The following MYRIP variants were observed in gnomAD, a reference collection of about 807,000 sequenced individuals.
MYRIP encodes myosin VIIA and Rab interacting protein, also known as rab effector MyRIP.
Under a neutral mutation model 98.0 loss-of-function variants are expected in MYRIP, and 49 were observed. That is an observed-to-expected ratio of 0.50 (90% CI 0.40 to 0.63). The LOEUF (loss-of-function observed/expected upper bound fraction) is 0.63. Ranked by LOEUF, MYRIP falls within the 30% of genes least tolerant of loss-of-function variation. MYRIP has a pLI of 0.00. For missense variants in MYRIP, 1,004 were observed against 1,058.2 expected, an observed-to-expected ratio of 0.95 and a Z score of 0.71; for synonymous variants, 404 against 409.5, an observed-to-expected ratio of 0.99 and a Z score of 0.16.
intron 8 of MYRIP, chr3:40,174,419 C>A (rs1001482570): frequency 6.6e-6 from 1 of 152,232 alleles, no homozygotes; most frequent in South Asian, 2.1e-4. Context: ...TCTTCCCCCC[C>A]ATTCATACTT....
Position 40,089,543 on chromosome 3 carries a change from T to C in MYRIP, c.332+45272T>C, listed in dbSNP as rs544814634. On this transcript the variant is annotated intron_variant, in intron 3 of 16. Coordinates refer to ENST00000302541, the MANE Select transcript of MYRIP (RefSeq NM_015460.4). Reference sequence around the variant, plus strand: ...ATAGCAGTGGAACTGGAGTCCTAGATAGGCTGTGCCTAAATGCTAGAAGTG... The same window carrying C: ...ATAGCAGTGGAACTGGAGTCCTAGACAGGCTGTGCCTAAATGCTAGAAGTG... Among the ~76,000 whole-genome samples, 3 of 152,330 alleles carry C rather than the reference T, an allele frequency of 2.0e-5. No individual in the cohort carries two copies. In the South Asian group the frequency reaches 6.2e-4, roughly 32 times the overall value.
At chr3:39,884,277 T>C (rs977840311) in intron 1 of MYRIP, among the ~76,000 whole-genome samples, 1 of 152,106 alleles carries the variant, frequency 6.6e-6, no homozygotes, top group Non-Finnish European at 1.5e-5. Flanking sequence ...TGGCATGGAC[T>C]TGTCCCTCCC....
In MYRIP at chr3:39,877,862, G is replaced by C. The variant is rs1360723337; in HGVS notation, c.-30-22925G>C. Among the ~76,000 whole-genome samples, 3 of 152,320 alleles carry C rather than the reference G, an allele frequency of 2.0e-5. No individual in the cohort carries two copies. The East Asian group carries it at 5.8e-4, about 29-fold the overall frequency. ...CCAGCTGCGTGCTGGGAGAACCACT[G>C]CTCTCTTCAAAGCTGTCAGACAGGG... On this transcript the variant is annotated intron_variant, in intron 1 of 16. Transcript: ENST00000302541.
At chr3:39,954,949 T>C (rs1304505605) in intron 2 of MYRIP, among the ~76,000 whole-genome samples, 1 of 151,016 alleles carries the variant, frequency 6.6e-6, no homozygotes, top group Admixed American at 6.6e-5. Context: ...ATTAATAAAG[T>C]GAAGCAAGAA....
intron 1 of MYRIP, among the ~76,000 whole-genome samples, chr3:39,833,046 C>T (rs1559489980): frequency 6.6e-6 from 1 of 152,098 alleles, no homozygotes; most frequent in Non-Finnish European, 1.5e-5. Context: ...GATAATACAG[C>T]TATTAGGAGT....
chr3:40,032,808 CA>C (rs977187126), intron 2 of MYRIP, among the ~76,000 whole-genome samples: 1 of 152,064 alleles, frequency 6.6e-6, no homozygotes, highest in African/African-American at 2.4e-5. Context: ...AAAATTGATG[CA>C]AAAATCCTCA....
chr3:40,194,384 T>C (rs935464995), intron 10 of MYRIP, among the ~76,000 whole-genome samples: 1 of 152,090 alleles, frequency 6.6e-6, no homozygotes, highest in Non-Finnish European at 1.5e-5. Context: ...GTTTTATTTC[T>C]TTACTTTCTA....
intron 2 of MYRIP, among the ~76,000 whole-genome samples, chr3:40,024,630 G>C (rs1317887779): frequency 6.6e-6 from 1 of 151,708 alleles, no homozygotes; most frequent in Non-Finnish European, 1.5e-5. Context: ...GCACTGGTAT[G>C]CTGTGGTATA....
At chr3:40,107,536 A>AAG (rs2125898282) in intron 3 of MYRIP, among the ~76,000 whole-genome samples, 1 of 152,292 alleles carries the variant, frequency 6.6e-6, no homozygotes, top group South Asian at 2.1e-4. Flanking sequence ...AGAGCTCATC[A>AAG]CTGGGCTGAA....
At chr3:40,085,248 T>C (rs1319042306) in intron 3 of MYRIP, among the ~76,000 whole-genome samples, 1 of 151,712 alleles carries the variant, frequency 6.6e-6, no homozygotes, top group East Asian at 1.9e-4. Context: ...AATATGTGTC[T>C]ATGTATTATA....
Position 39,995,080 on chromosome 3 carries a change from G to A in MYRIP, c.111-48970G>A, listed in dbSNP as rs557312095. Among the ~76,000 whole-genome samples the A allele has an allele frequency of 2.0e-5, 3 of 148,748 alleles. No homozygotes were observed. In the South Asian group the frequency reaches 6.3e-4, roughly 31 times the overall value. On this transcript the variant is annotated intron_variant, in intron 2 of 16. Coordinates refer to ENST00000302541, the MANE Select transcript of MYRIP (RefSeq NM_015460.4). ...GACCAAAGGTAGATAAAACCACAAA[G>A]ATGGGGGAAAAAAACAGCAGAAAAA... is the stretch of plus-strand genomic sequence containing the variant.
intron 3 of MYRIP, among the ~76,000 whole-genome samples, chr3:40,116,406 A>G (rs2125906505): frequency 8.8e-6 from 1 of 113,714 alleles, no homozygotes; most frequent in African/African-American, 2.9e-5. Flanking sequence ...AGAAACTTCT[A>G]GATGGAAAAC....
intron 9 of MYRIP, among the ~76,000 whole-genome samples, chr3:40,183,222 G>C (rs1274123748): frequency 6.6e-6 from 1 of 152,200 alleles, no homozygotes. Context: ...ATGGCATCCT[G>C]GCTGGGCAGA....
chr3:40,243,725 G>A (rs1237945373), intron 12 of MYRIP, among the ~76,000 whole-genome samples: 1 of 152,090 alleles, frequency 6.6e-6, no homozygotes, highest in African/African-American at 2.4e-5. Context: ...ATTATTTCAA[G>A]GATTTCACCT....
In MYRIP at chr3:40,166,882, G is replaced by C. The variant is rs185300013; in HGVS notation, c.587G>C (p.Arg196Pro). Residue 196 changes from arginine (R) to proline (P), a missense_variant, in exon 6 of 17, where the codon CGG becomes CCG. Around this residue, in one of 3 missense-constraint regions of MYRIP, gnomAD observed 880 missense variants for 907.7 expected, o/e 0.97. Coordinates refer to ENST00000302541, the MANE Select transcript of MYRIP (RefSeq NM_015460.4). Reference sequence around the variant, plus strand: ...ATGGACACCTTGGCTGTGGCCCTACGGGTGGCTGAAGAGGCCATTGAGGAA... The same window carrying C: ...ATGGACACCTTGGCTGTGGCCCTACCGGTGGCTGAAGAGGCCATTGAGGAA... The part of the protein sequence containing the change: ...SVMDTLAVAL[R>P]VAEEAIEEAI... 6.2e-7 allele frequency: 1 copy of C among 1,614,024 alleles called. No homozygotes were observed. Among genetic ancestry groups the C allele is most frequent in the Non-Finnish European group, 8.5e-7 (1 of 1,179,948 alleles).
At chr3:40,026,303 A>G (rs1415895263) in intron 2 of MYRIP, among the ~76,000 whole-genome samples, 1 of 152,124 alleles carries the variant, frequency 6.6e-6, no homozygotes, top group African/African-American at 2.4e-5. Context: ...GTCAGACCGT[A>G]TGGTTGTCTC....
intron 3 of MYRIP, among the ~76,000 whole-genome samples, chr3:40,104,073 T>C (rs1046973500): frequency 2.6e-5 from 4 of 152,196 alleles, no homozygotes; most frequent in African/African-American, 9.7e-5. Flanking sequence ...TACCTGTAAG[T>C]ACTTTGGATT....
intron 2 of MYRIP, among the ~76,000 whole-genome samples, chr3:40,028,838 T>C (rs1322735540): frequency 1.3e-5 from 2 of 152,132 alleles, no homozygotes; most frequent in African/African-American, 4.8e-5. Context: ...TACAGGGCAA[T>C]ATAATCTAAT....
intron 10 of MYRIP, among the ~76,000 whole-genome samples, chr3:40,204,185 TA>T (rs1559451986): frequency 3.3e-4 from 19 of 57,998 alleles, no homozygotes; most frequent in South Asian, 1.6e-3. Flanking sequence ...TATTATATAA[TA>T]TATAAATATT....
Sources: gnomAD v4.1 joint callset for allele counts (sites outside exome capture counted in the v4.1 genomes callset) on GRCh38, gnomAD v4.1.1 for gene constraint, gnomAD v4.1.1 regional missense constraint, MANE v1.5 for transcripts, NCBI Gene and HGNC (gene_info 2026-07-23, HGNC 2026-07-21) for gene names.